Variants in TENM3 observed in about 807,000 individuals in gnomAD.
The protein encoded by TENM3 is teneurin transmembrane protein 3, also known as teneurin-3.
In TENM3, 63 loss-of-function variants were observed where a neutral mutation model predicts 255.1. That is an observed-to-expected ratio of 0.25 (90% CI 0.20 to 0.30). The LOEUF (loss-of-function observed/expected upper bound fraction) is 0.30, where lower values mean the gene tolerates loss of function less well. TENM3 is among the 10% of genes least tolerant of loss of function. TENM3 has a pLI of 1.00. For missense variants in TENM3, 2,929 were observed against 3,461.1 expected, an observed-to-expected ratio of 0.85 and a Z score of 3.86; for synonymous variants, 1,306 against 1,322.3, an observed-to-expected ratio of 0.99 and a Z score of 0.27.
At chr4:182,691,984 T>C (rs1465455814) in intron 12 of TENM3, among the ~76,000 whole-genome samples, 1 of 144,484 alleles carries the variant, frequency 6.9e-6, no homozygotes, top group Admixed American at 6.9e-5. Flanking sequence ...GCTGCCACTG[T>C]TTTTCATGGG....
At chr4:181,982,212 G>A in the TENM3 span, among the ~76,000 whole-genome samples, 3 of 152,144 alleles carry the variant, frequency 2.0e-5, no homozygotes, top group Non-Finnish European at 4.4e-5. Context: ...TTTCAGCGGC[G>A]CGATTAAGCA....
At position 182,619,950 on chromosome 4, in the gene TENM3, A is replaced by G. The variant is rs371260013; in HGVS notation, c.750-8701A>G. On this transcript the variant is annotated intron_variant, in intron 4 of 27. Coordinates refer to ENST00000511685, the MANE Select transcript of TENM3 (RefSeq NM_001080477.4). ...TGCTTTATTGCTGAATACAATGGGG[A>G]ATATTCTCACAGGTTCACTTTTTTT... 9.2e-5 allele frequency among the ~76,000 whole-genome samples: 14 copies of G among 152,330 alleles called. No individual in the cohort carries two copies. The South Asian group carries it at 2.7e-3, about 29-fold the overall frequency.
At chr4:182,526,815 G>A (rs925247555) in intron 3 of TENM3, among the ~76,000 whole-genome samples, 4 of 152,156 alleles carry the variant, frequency 2.6e-5, no homozygotes, top group South Asian at 2.1e-4. Flanking sequence ...GGTAGCTACC[G>A]TTCTCATGCT....
intron 3 of TENM3, among the ~76,000 whole-genome samples, chr4:182,584,886 C>T (rs1195913295): frequency 1.3e-5 from 2 of 152,100 alleles, no homozygotes; most frequent in East Asian, 3.9e-4. Flanking sequence ...AGGCAATCCA[C>T]CCACCTCGGC....
chr4:182,765,860 C>T (rs1395618889), intron 22 of TENM3, among the ~76,000 whole-genome samples: 1 of 152,066 alleles, frequency 6.6e-6, no homozygotes, highest in Non-Finnish European at 1.5e-5. Flanking sequence ...CTCATAGGCC[C>T]CTGTCAAGGT....
the TENM3 span, among the ~76,000 whole-genome samples, chr4:182,094,503 C>T: frequency 6.6e-6 from 1 of 152,322 alleles, no homozygotes; most frequent in African/African-American, 2.4e-5. Flanking sequence ...GCCTCGGCAT[C>T]CCAAAGTGCT....
chr4:182,499,736 G>A (rs547496719), intron 3 of TENM3, among the ~76,000 whole-genome samples: 24 of 152,250 alleles, frequency 1.6e-4, no homozygotes, highest in African/African-American at 5.5e-4. Context: ...ACTGATGACA[G>A]AATATGAAGT....
chr4:181,853,857 C>T, the TENM3 span, among the ~76,000 whole-genome samples: 592 of 152,300 alleles, frequency 3.9e-3, 3 homozygotes, highest in African/African-American at 0.014. Context: ...CTATGCTGAA[C>T]GATCTTGATA....
chr4:181,614,899 T>C, the TENM3 span, among the ~76,000 whole-genome samples: 2 of 152,172 alleles, frequency 1.3e-5, no homozygotes, highest in African/African-American at 4.8e-5. Context: ...GAAGACTGGT[T>C]GTGGGGAAGA....
intron 3 of TENM3, among the ~76,000 whole-genome samples, chr4:182,530,491 C>T (rs1739665225): frequency 6.6e-6 from 1 of 152,186 alleles, no homozygotes; most frequent in African/African-American, 2.4e-5. Context: ...ATTGCTTGGT[C>T]TCGAGTAGAG....
intron 3 of TENM3, among the ~76,000 whole-genome samples, chr4:182,404,546 C>T (rs1769427982): frequency 6.6e-6 from 1 of 152,182 alleles, no homozygotes; most frequent in African/African-American, 2.4e-5. Context: ...GTGCGGAGAA[C>T]TGGAAGCCGC....
At chr4:182,432,445 A>C (rs1249825523) in intron 3 of TENM3, among the ~76,000 whole-genome samples, 1 of 152,242 alleles carries the variant, frequency 6.6e-6, no homozygotes, top group East Asian at 1.9e-4. Context: ...ACGTTATTCC[A>C]CCAACATTAA....
the TENM3 span, among the ~76,000 whole-genome samples, chr4:182,040,693 T>C: frequency 6.6e-6 from 1 of 152,230 alleles, no homozygotes; most frequent in African/African-American, 2.4e-5. Context: ...ACTAGTTTTC[T>C]CCCAGTTTCC....
intron 3 of TENM3, among the ~76,000 whole-genome samples, chr4:182,600,670 A>G (rs1747737636): frequency 6.6e-6 from 1 of 152,122 alleles, no homozygotes; most frequent in African/African-American, 2.4e-5. Context: ...GAAACAAATT[A>G]AAACCAAAAG....
At chr4:182,389,947 A>T (rs1034776918) in intron 3 of TENM3, among the ~76,000 whole-genome samples, 2 of 152,054 alleles carry the variant, frequency 1.3e-5, no homozygotes, top group Non-Finnish European at 2.9e-5. Context: ...AGCCTCTCAA[A>T]GTGCTGGGAT....
At chr4:182,433,052 G>C (rs150072487) in intron 3 of TENM3, among the ~76,000 whole-genome samples, 118 of 152,174 alleles carry the variant, frequency 7.8e-4, no homozygotes, top group Admixed American at 1.4e-3. Context: ...ATGTGTTGGA[G>C]GAAAACACAA....
intron 13 of TENM3, among the ~76,000 whole-genome samples, chr4:182,724,792 A>G (rs946404935): frequency 1.3e-5 from 2 of 152,224 alleles, no homozygotes; most frequent in Non-Finnish European, 2.9e-5. Flanking sequence ...GGAGAAAAAT[A>G]TAATATTTGG....
At chr4:181,939,288 C>T in the TENM3 span, among the ~76,000 whole-genome samples, 1 of 152,220 alleles carries the variant, frequency 6.6e-6, no homozygotes, top group Non-Finnish European at 1.5e-5. Context: ...GTAAGAATGC[C>T]GGGAACTCGT....
At chr4:181,786,953 G>A in the TENM3 span, among the ~76,000 whole-genome samples, 1 of 152,136 alleles carries the variant, frequency 6.6e-6, no homozygotes. Context: ...GACCAGAAAG[G>A]GCTCTCTAGG....
Sources: gnomAD v4.1 joint callset for allele counts (sites outside exome capture counted in the v4.1 genomes callset) on GRCh38, gnomAD v4.1.1 for gene constraint, MANE v1.5 for transcripts, NCBI Gene and HGNC (gene_info 2026-07-23, HGNC 2026-07-21) for gene names.